Variants in SPATS2 observed in about 807,000 individuals in gnomAD.
The protein encoded by SPATS2 is spermatogenesis associated serine rich 2, also known as spermatogenesis-associated serine-rich protein 2.
Under a neutral mutation model 63.7 loss-of-function variants are expected in SPATS2, and 38 were observed. The ratio of observed to expected loss-of-function variants is 0.60; its 90% CI spans 0.46 to 0.78. The LOEUF (loss-of-function observed/expected upper bound fraction) is 0.78, where lower values mean the gene tolerates loss of function less well. Ranked by LOEUF, SPATS2 falls within the 30% of genes least tolerant of loss-of-function variation. The pLI, the probability that SPATS2 is intolerant of heterozygous loss-of-function variation, is 0.00. For synonymous variants in SPATS2, 207 were observed against 232.9 expected (o/e 0.89, Z 1.01); for missense variants, 588 against 666.2 (o/e 0.88, Z 1.29).
rs914392722 is a variant in SPATS2, at chr12:49,527,026, A to G, written c.*771A>G. On this transcript the variant is annotated 3_prime_UTR_variant, in exon 14 of 14. Transcript: ENST00000552918. ...GGTGGATCACTAGGTCAGGAGTTCA[A>G]GACCAGCCTGGCCAACATGGTGAAA... is the stretch of plus-strand genomic sequence containing the variant. 8.5e-5 allele frequency: 13 copies of G among 152,062 alleles called. No individual in the cohort carries two copies. Among genetic ancestry groups the G allele is most frequent in the African/African-American group, 3.1e-4 (13 of 41,372 alleles). The allele number at this position is 152,062 out of a possible 1,614,324, so 9.4% of individuals were successfully genotyped here.
intron 3 of SPATS2, among the ~76,000 whole-genome samples, chr12:49,476,213 C>G (rs977870518): frequency 7.9e-5 from 12 of 152,070 alleles, no homozygotes; most frequent in African/African-American, 2.9e-4. Context: ...ACACAGGCGG[C>G]TGGAGGTAGA....
intron 3 of SPATS2, among the ~76,000 whole-genome samples, chr12:49,480,037 T>C (rs1036860891): frequency 1.3e-5 from 2 of 152,216 alleles, no homozygotes; most frequent in Non-Finnish European, 2.9e-5. Context: ...ATTTTTCTCC[T>C]TGCTTGTCAG....
At chr12:49,485,240 G>A (rs986960759) in intron 4 of SPATS2, among the ~76,000 whole-genome samples, 2 of 151,584 alleles carry the variant, frequency 1.3e-5, no homozygotes, top group African/African-American at 4.9e-5. Flanking sequence ...CTAATTTTTT[G>A]TATTTTTAGT....
intron 10 of SPATS2, among the ~76,000 whole-genome samples, chr12:49,516,161 AAAAAAATATATATAT>A (rs1384991123): frequency 0.014 from 362 of 25,164 alleles, 24 homozygotes; most frequent in African/African-American, 0.047. Flanking sequence ...AAAAAAAAAA[AAAAAAATATATATAT>A]ATATATATAT....
chr12:49,379,365 G>A (rs2137177174), intron 2 of SPATS2, among the ~76,000 whole-genome samples: 1 of 149,558 alleles, frequency 6.7e-6, no homozygotes, highest in Non-Finnish European at 1.5e-5. Flanking sequence ...GGCTAACATG[G>A]TGAAACCCCG....
chr12:49,446,375 A>G (rs1945511146), intron 2 of SPATS2, among the ~76,000 whole-genome samples: 1 of 152,386 alleles, frequency 6.6e-6, no homozygotes, highest in South Asian at 2.1e-4. Context: ...AATGTGGCTC[A>G]GATGGTTCTC....
chr12:49,496,634 T>G (rs1946468673), intron 7 of SPATS2, among the ~76,000 whole-genome samples, 199 bp from the exon 8 acceptor site: 1 of 152,190 alleles, frequency 6.6e-6, no homozygotes, highest in Non-Finnish European at 1.5e-5. Context: ...GGACGCCACT[T>G]AAGACTAAGC....
chr12:49,386,233 C>T (rs533183841), intron 2 of SPATS2, among the ~76,000 whole-genome samples: 2 of 151,912 alleles, frequency 1.3e-5, no homozygotes, highest in East Asian at 1.9e-4. Flanking sequence ...GGTGCCATCT[C>T]GGCTCACTGC....
upstream of SPATS2, chr12:49,367,166 CG>C (rs1943910735): frequency 6.1e-6 from 1 of 164,252 alleles, no homozygotes; most frequent in African/African-American, 2.4e-5. Context: ...GTCTCCGGTG[CG>C]CGGGCCGTCT....
At chr12:49,385,690 G>A (rs1944302111) in intron 2 of SPATS2, among the ~76,000 whole-genome samples, 1 of 152,004 alleles carries the variant, frequency 6.6e-6, no homozygotes, top group African/African-American at 2.4e-5. Context: ...GATGAGGAGG[G>A]TGATGGAGGT....
intron 4 of SPATS2, among the ~76,000 whole-genome samples, chr12:49,485,122 A>G (rs1364871598): frequency 6.7e-6 from 1 of 148,878 alleles, no homozygotes; most frequent in Admixed American, 6.7e-5. Flanking sequence ...GCTGGAGTGC[A>G]GTGGCCGATC....
intron 4 of SPATS2, among the ~76,000 whole-genome samples, chr12:49,486,687 AG>A (rs1454473414): frequency 6.6e-6 from 1 of 151,702 alleles, no homozygotes; most frequent in Non-Finnish European, 1.5e-5. Flanking sequence ...AGGCTGAGGC[AG>A]GAGAGTGGCG....
intron 2 of SPATS2, among the ~76,000 whole-genome samples, chr12:49,453,048 A>G (rs932372925): frequency 3.3e-5 from 5 of 151,124 alleles, no homozygotes; most frequent in Non-Finnish European, 7.4e-5. Flanking sequence ...AGTCCCAGCT[A>G]CTCGGGAGGC....
intron 2 of SPATS2, among the ~76,000 whole-genome samples, chr12:49,413,435 G>A (rs1264149120): frequency 6.6e-6 from 1 of 151,566 alleles, no homozygotes. Flanking sequence ...GTGTAGCTCA[G>A]GCTGTCCTGG....
chr12:49,477,617 G>A (rs188751032), intron 3 of SPATS2, among the ~76,000 whole-genome samples: 4 of 152,256 alleles, frequency 2.6e-5, no homozygotes, highest in Non-Finnish European at 2.9e-5. Flanking sequence ...TGGCAACAAA[G>A]ATGGCGTTAC....
intron 11 of SPATS2, among the ~76,000 whole-genome samples, chr12:49,521,937 C>T (rs1173166700): frequency 6.6e-6 from 1 of 151,838 alleles, no homozygotes; most frequent in African/African-American, 2.4e-5. Context: ...GGTATTAGCC[C>T]ACCCCCAGTT....
intron 2 of SPATS2, among the ~76,000 whole-genome samples, chr12:49,433,265 C>T (rs1157912697): frequency 6.6e-6 from 1 of 152,152 alleles, no homozygotes; most frequent in African/African-American, 2.4e-5. Context: ...CAGGTTCAAG[C>T]GATTCTCCTG....
chr12:49,484,323 A>G (rs1255112738), intron 3 of SPATS2, among the ~76,000 whole-genome samples: 2 of 152,246 alleles, frequency 1.3e-5, no homozygotes, highest in Admixed American at 6.5e-5. Context: ...ATTAACAACG[A>G]TATCAAGGAT....
chr12:49,493,008 GAAT>G (rs1389267464), intron 6 of SPATS2, among the ~76,000 whole-genome samples: 2 of 151,182 alleles, frequency 1.3e-5, no homozygotes, highest in Non-Finnish European at 2.9e-5. Flanking sequence ...CAAGTCAGGA[GAAT>G]TGCTTGAACC....
Sources: gnomAD v4.1 joint callset for allele counts (sites outside exome capture counted in the v4.1 genomes callset) on GRCh38, gnomAD v4.1.1 for gene constraint, MANE v1.5 for transcripts, NCBI Gene and HGNC (gene_info 2026-07-23, HGNC 2026-07-21) for gene names.